The following PCLO variants were observed in gnomAD, a reference collection of about 807,000 sequenced individuals.
The protein encoded by PCLO is piccolo presynaptic cytomatrix protein.
In PCLO, 82 loss-of-function variants were observed where a neutral mutation model predicts 427.5. That is an observed-to-expected ratio of 0.19 (90% CI 0.16 to 0.23). The LOEUF is 0.23. PCLO is among the 10% of genes least tolerant of loss of function. The probability of loss-of-function intolerance (pLI) is 1.00; values close to 1 mark genes in which losing one functional copy is unlikely to be tolerated. For missense variants in PCLO, 6,239 were observed against 6,115.9 expected (o/e 1.02, Z -0.67); for synonymous variants, 2,357 against 2,155.4 (o/e 1.09, Z -2.59).
chr7:82,979,896 A>C (rs1796109272), intron 3 of PCLO, among the ~76,000 whole-genome samples: 1 of 152,180 alleles, frequency 6.6e-6, no homozygotes, highest in Non-Finnish European at 1.5e-5. Context: ...TAACAACCAA[A>C]AGTGAATACT....
chr7:82,935,136 G>GA (rs1794921243), intron 6 of PCLO, among the ~76,000 whole-genome samples: 1 of 115,802 alleles, frequency 8.6e-6, no homozygotes, highest in Non-Finnish European at 1.7e-5. Flanking sequence ...TGACTCATTA[G>GA]AAAAAATGTA....
chr7:83,060,385 C>A (rs1044511346), intron 3 of PCLO, among the ~76,000 whole-genome samples: 8 of 152,084 alleles, frequency 5.3e-5, no homozygotes, highest in Non-Finnish European at 1.2e-4. Flanking sequence ...TGCCACCTGA[C>A]CTTGCTGCTC....
intron 20 of PCLO, among the ~76,000 whole-genome samples, chr7:82,817,612 C>T (rs1044975082): frequency 1.3e-5 from 2 of 152,270 alleles, no homozygotes; most frequent in South Asian, 2.1e-4. Flanking sequence ...CAAGGCAACA[C>T]ATGGATATGA....
At chr7:83,119,377 T>C (rs1184151273) in intron 3 of PCLO, among the ~76,000 whole-genome samples, 1 of 152,022 alleles carries the variant, frequency 6.6e-6, no homozygotes, top group East Asian at 1.9e-4. Flanking sequence ...CTCTGACTGG[T>C]ATTGTAGGAA....
chr7:82,837,048 A>T (rs1394431954), intron 15 of PCLO, among the ~76,000 whole-genome samples: 1 of 152,102 alleles, frequency 6.6e-6, no homozygotes, highest in African/African-American at 2.4e-5. Context: ...ACCAGCTAGG[A>T]AAATATTAAG....
intron 6 of PCLO, among the ~76,000 whole-genome samples, chr7:82,938,813 A>C (rs1479124660): frequency 6.6e-6 from 1 of 152,032 alleles, no homozygotes; most frequent in Non-Finnish European, 1.5e-5. Flanking sequence ...TTCAAAGGGC[A>C]AAATCATTTA....
chr7:83,009,160 C>G (rs1788019185), intron 3 of PCLO, among the ~76,000 whole-genome samples: 1 of 151,676 alleles, frequency 6.6e-6, no homozygotes, highest in Admixed American at 6.6e-5. Context: ...TTTCTTGTCT[C>G]CATGCTTAGC....
At chr7:82,802,878 T>G (rs552849380) in intron 21 of PCLO, among the ~76,000 whole-genome samples, 1 of 152,162 alleles carries the variant, frequency 6.6e-6, no homozygotes, top group South Asian at 2.1e-4. Flanking sequence ...AGAACACATG[T>G]AAATTCAGAA....
chr7:82,901,333 T>C (rs1049281631), intron 9 of PCLO, among the ~76,000 whole-genome samples: 4 of 151,948 alleles, frequency 2.6e-5, no homozygotes, highest in Admixed American at 1.3e-4. Context: ...TGTCAGTACA[T>C]ATGTAAATCT....
intron 7 of PCLO, among the ~76,000 whole-genome samples, chr7:82,910,048 T>C (rs1794285816): frequency 6.6e-6 from 1 of 152,134 alleles, no homozygotes; most frequent in South Asian, 2.1e-4. Context: ...ATAAATTGTT[T>C]TAGTCTTTGT....
intron 3 of PCLO, among the ~76,000 whole-genome samples, chr7:82,975,057 G>A (rs896685537): frequency 1.3e-5 from 2 of 152,228 alleles, no homozygotes; most frequent in South Asian, 2.1e-4. Context: ...GATTACAGGC[G>A]TGAGCCACCG....
chr7:82,997,799 C>A (rs568138206), intron 3 of PCLO, among the ~76,000 whole-genome samples: 2 of 152,152 alleles, frequency 1.3e-5, no homozygotes, highest in South Asian at 2.1e-4. Context: ...ATGCCAAATA[C>A]ACACAGAGTG....
In PCLO at chr7:83,033,371, AATAAG is replaced by A. The variant is rs1303505932; in HGVS notation, c.3301-66889_3301-66885del. 2.6e-5 allele frequency among the ~76,000 whole-genome samples: 4 copies of A among 152,222 alleles called. No homozygotes were observed. The East Asian group carries it at 7.7e-4, about 29-fold the overall frequency. ...GTAGATTACTGTAAATATTAAACAC[AATAAG>A]ATAATATTTGGGAAGCTGAACACCT... is the stretch of plus-strand genomic sequence containing the variant. On this transcript the variant is annotated intron_variant, in intron 3 of 24. Transcript: ENST00000333891.
At chr7:82,940,176 G>A (rs1015057669) in intron 6 of PCLO, among the ~76,000 whole-genome samples, 4 of 152,158 alleles carry the variant, frequency 2.6e-5, no homozygotes, top group Admixed American at 2.6e-4. Flanking sequence ...TGATTGGTGT[G>A]CAGTTGAGTG....
intron 10 of PCLO, among the ~76,000 whole-genome samples, chr7:82,848,652 G>A (rs1258510933): frequency 1.3e-5 from 2 of 152,026 alleles, no homozygotes; most frequent in Non-Finnish European, 2.9e-5. Context: ...ATGCCTATGT[G>A]AAATTACCTA....
chr7:82,891,018 T>G (rs1195431434), intron 9 of PCLO, among the ~76,000 whole-genome samples: 1 of 152,122 alleles, frequency 6.6e-6, no homozygotes, highest in East Asian at 1.9e-4. Flanking sequence ...AATAAATGTA[T>G]GCAAATAAGA....
At chr7:83,102,440 A>C (rs999467380) in intron 3 of PCLO, among the ~76,000 whole-genome samples, 1 of 151,972 alleles carries the variant, frequency 6.6e-6, no homozygotes, top group African/African-American at 2.4e-5. Context: ...TGTCTTTTAC[A>C]TAATTTTCCC....
intron 10 of PCLO, among the ~76,000 whole-genome samples, chr7:82,866,316 G>A (rs924550720): frequency 4.6e-5 from 7 of 151,292 alleles, no homozygotes; most frequent in Non-Finnish European, 8.8e-5. Flanking sequence ...GTTTATTATC[G>A]TCTAATATAT....
chr7:83,046,489 T>C (rs1365392252), intron 3 of PCLO, among the ~76,000 whole-genome samples: 1 of 152,090 alleles, frequency 6.6e-6, no homozygotes, highest in Non-Finnish European at 1.5e-5. Flanking sequence ...CCCAGAACTT[T>C]TTCAAAAAGA....
Sources: allele counts gnomAD v4.1 joint callset (sites outside exome capture counted in the v4.1 genomes callset), GRCh38; gene constraint gnomAD v4.1.1; transcripts MANE v1.5; gene names NCBI Gene and HGNC (gene_info 2026-07-23, HGNC 2026-07-21).